Variants in PLCE1 observed in about 807,000 individuals in gnomAD.
PLCE1 encodes the protein 1-phosphatidylinositol 4,5-bisphosphate phosphodiesterase epsilon-1.
PLCE1 carries 119 observed loss-of-function variants against 242.8 expected under a neutral mutation model. The observed-to-expected ratio is 0.49, with a 90% confidence interval of 0.42 to 0.57. The LOEUF (loss-of-function observed/expected upper bound fraction) is 0.57, where lower values mean the gene tolerates loss of function less well. PLCE1 is among the 20% of genes least tolerant of loss of function. The pLI is 0.00. For missense variants in PLCE1, 2,441 were observed against 2,788.8 expected (o/e 0.88, Z 2.81); for synonymous variants, 945 against 1,017.4 (o/e 0.93, Z 1.35).
At chr10:94,185,297 C>A (rs2048438888) in intron 4 of PLCE1, among the ~76,000 whole-genome samples, 1 of 152,210 alleles carries the variant, frequency 6.6e-6, no homozygotes, top group Non-Finnish European at 1.5e-5. Context: ...GAGTTTGAGA[C>A]CACCCTGGCT....
At chr10:94,040,706 T>A (rs558614583) in intron 2 of PLCE1, among the ~76,000 whole-genome samples, 169 of 152,270 alleles carry the variant, frequency 1.1e-3, no homozygotes, top group African/African-American at 3.9e-3. Context: ...GAGTCTGTGG[T>A]TTAGAAATGA....
At chr10:94,019,714 C>T (rs1243256528) in intron 1 of PLCE1, among the ~76,000 whole-genome samples, 1 of 152,206 alleles carries the variant, frequency 6.6e-6, no homozygotes, top group Non-Finnish European at 1.5e-5. Flanking sequence ...ATTTAAATAA[C>T]TGCGTGTGGC....
At position 94,254,230 on chromosome 10, in the gene PLCE1, G is replaced by C; in HGVS notation, c.3320G>C (p.Arg1107Pro). The C allele has an allele frequency of 6.2e-7, 1 of 1,614,036 alleles. No homozygotes were observed. Among genetic ancestry groups the C allele is most frequent in the Non-Finnish European group, 8.5e-7 (1 of 1,179,950 alleles). ...GEVTDDEMAT[R>P]KAKMHKECRS... ...GTAACTGACGATGAGATGGCAACCC[G>C]AAAGGCCAAGATGCACAAAGAGTGT... Residue 1107 changes from arginine (R) to proline (P), a missense_variant, in exon 10 of 33, where the codon CGA becomes CCA. Physicochemically the swap from Arg to Pro is moderately radical, Grantham distance 103. This residue lies in a region of PLCE1 where 1,004 missense variants were observed against 1,322.7 expected (regional missense o/e 0.76). Transcript: ENST00000371380.
At chr10:94,125,102 C>T (rs971525135) in intron 2 of PLCE1, among the ~76,000 whole-genome samples, 1 of 152,114 alleles carries the variant, frequency 6.6e-6, no homozygotes, top group Non-Finnish European at 1.5e-5. Context: ...TTCACTTATT[C>T]AATCAAGAAC....
intron 4 of PLCE1, among the ~76,000 whole-genome samples, chr10:94,174,049 T>C (rs916277718): frequency 6.6e-6 from 1 of 152,204 alleles, no homozygotes; most frequent in Non-Finnish European, 1.5e-5. Context: ...CTTTACATAC[T>C]GTAAAGAAAA....
intron 2 of PLCE1, among the ~76,000 whole-genome samples, chr10:94,043,335 A>G (rs2061808872): frequency 6.6e-6 from 1 of 152,226 alleles, no homozygotes; most frequent in South Asian, 2.1e-4. Context: ...GGGTGCTGGC[A>G]TGAATGAATA....
At chr10:94,267,479 C>T (rs1054268656) in intron 16 of PLCE1, among the ~76,000 whole-genome samples, 9 of 152,178 alleles carry the variant, frequency 5.9e-5, no homozygotes, top group African/African-American at 2.2e-4. Context: ...TCCACTCTTC[C>T]TTAGCCCTTC....
At chr10:94,052,322 A>G (rs1484567312) in intron 2 of PLCE1, among the ~76,000 whole-genome samples, 1 of 152,190 alleles carries the variant, frequency 6.6e-6, no homozygotes, top group Non-Finnish European at 1.5e-5. Flanking sequence ...TAATAAACAA[A>G]TCTTTGAGAA....
intron 2 of PLCE1, among the ~76,000 whole-genome samples, chr10:94,102,024 CAG>C (rs1271875607): frequency 6.6e-6 from 1 of 152,166 alleles, no homozygotes; most frequent in Admixed American, 6.5e-5. Context: ...GAGATTCTGA[CAG>C]GGAATCTGAG....
chr10:94,304,363 T>C (rs1157143344), intron 24 of PLCE1, 119 bp from the exon 25 acceptor site: 1 of 926,304 alleles, frequency 1.1e-6, no homozygotes, highest in African/African-American at 1.6e-5. Flanking sequence ...TTATCTCTTT[T>C]TCATGCTGGA....
chr10:94,102,824 G>T (rs1024986946), intron 2 of PLCE1, among the ~76,000 whole-genome samples: 1 of 152,170 alleles, frequency 6.6e-6, no homozygotes, highest in East Asian at 1.9e-4. Flanking sequence ...TGGGACAGGC[G>T]GCTCTTTGAC....
chr10:94,319,494 G>A (rs545380267), intron 29 of PLCE1, among the ~76,000 whole-genome samples: 1 of 152,166 alleles, frequency 6.6e-6, no homozygotes, highest in African/African-American at 2.4e-5. Context: ...GATCTCTCCT[G>A]CCTTTTATAA....
chr10:94,323,683 G>C (rs1280584999), intron 30 of PLCE1, among the ~76,000 whole-genome samples: 3 of 152,152 alleles, frequency 2.0e-5, no homozygotes, highest in Non-Finnish European at 2.9e-5. Context: ...TGTTCTTACT[G>C]TATGATAACT....
intron 3 of PLCE1, among the ~76,000 whole-genome samples, chr10:94,148,348 C>T (rs971717364): frequency 3.9e-5 from 6 of 152,098 alleles, no homozygotes; most frequent in African/African-American, 1.4e-4. Flanking sequence ...AGAAATGGAG[C>T]TGGAATGGAT....
chr10:94,091,362 C>G (rs955859534), intron 2 of PLCE1, among the ~76,000 whole-genome samples: 2 of 152,186 alleles, frequency 1.3e-5, no homozygotes, highest in African/African-American at 4.8e-5. Context: ...CTTCCCTCAG[C>G]AGTAAACAAT....
At chr10:94,002,195 CA>C (rs1207074050) in intron 1 of PLCE1, among the ~76,000 whole-genome samples, 1 of 152,058 alleles carries the variant, frequency 6.6e-6, no homozygotes, top group Non-Finnish European at 1.5e-5. Flanking sequence ...TATAAGTTTG[CA>C]AAAAGAACTC....
chr10:94,239,009 C>T (rs1439995953), intron 7 of PLCE1, among the ~76,000 whole-genome samples: 1 of 152,184 alleles, frequency 6.6e-6, no homozygotes, highest in Non-Finnish European at 1.5e-5. Flanking sequence ...GTAGCTGAAT[C>T]TTACTAAGCC....
rs372611082 is a variant in PLCE1, at chr10:94,316,587, A to T, written c.6173A>T (p.Asp2058Val). The change falls in exon 29 of 33, where the codon GAC (aspartate) becomes GTC (valine). Residue 2058 changes from aspartate to valine, a missense_variant. Physicochemically the swap from Asp to Val is radical, Grantham distance 152. Transcript: ENST00000371380. Reference sequence around the variant, plus strand: ...CAAGACATCAAACCTGTTACCACAGACTATTTTTTGATGGAAGAAAAATAT... The same window carrying T: ...CAAGACATCAAACCTGTTACCACAGTCTATTTTTTGATGGAAGAAAAATAT... ...NEQDIKPVTT[D>V]YFLMEEKYFI... The T allele has an allele frequency of 3.7e-6, 6 of 1,609,490 alleles. No individual in the cohort carries two copies. The African/African-American group carries it at 8.0e-5, about 22-fold the overall frequency.
intron 2 of PLCE1, among the ~76,000 whole-genome samples, chr10:94,103,615 G>A (rs1229439581): frequency 1.3e-5 from 2 of 152,258 alleles, no homozygotes; most frequent in South Asian, 2.1e-4. Flanking sequence ...AAAACTGCAT[G>A]TTCTGCACAT....
Sources: gnomAD v4.1 joint callset for allele counts (sites outside exome capture counted in the v4.1 genomes callset) on GRCh38, gnomAD v4.1.1 for gene constraint, gnomAD v4.1.1 regional missense constraint, MANE v1.5 for transcripts, NCBI Gene and HGNC (gene_info 2026-07-23, HGNC 2026-07-21) for gene names.